The following VPS13D variants were observed in gnomAD, a reference collection of about 807,000 sequenced individuals.
The protein encoded by VPS13D is vacuolar protein sorting 13 homolog D.
In VPS13D, 187 loss-of-function variants were observed where a neutral mutation model predicts 461.9. That is an observed-to-expected ratio of 0.40 (90% CI 0.36 to 0.46). VPS13D has a LOEUF of 0.46. Among genes scored for constraint, VPS13D ranks in the 20% least tolerant of loss-of-function variants. The pLI, the probability that VPS13D is intolerant of heterozygous loss-of-function variation, is 0.60. For missense variants in VPS13D, 4,711 were observed against 5,364.9 expected, an observed-to-expected ratio of 0.88 and a Z score of 3.81; for synonymous variants, 1,951 against 1,986.3, an observed-to-expected ratio of 0.98 and a Z score of 0.47.
rs1418394633 is a variant in VPS13D, at chr1:12,267,858, G to A, written c.1739G>A (p.Gly580Asp). ...TTTGTTTAATAGCAAAAAGAAGTTG[G>A]CAGAGTCTCACAATCTTTTGGTCTA... ...LVFPNPQKEV[G>D]RVSQSFGLQT... The change falls in exon 15 of 70, where the codon GGC becomes GAC. Residue 580 changes from glycine to aspartate, a missense_variant. By Grantham distance (94) the Gly-to-Asp change is moderately conservative. Around this residue, in one of 3 missense-constraint regions of VPS13D, gnomAD observed 4,411 missense variants for 4,937.8 expected, o/e 0.89. Transcript: ENST00000620676. The A allele has an allele frequency of 6.2e-7, 1 of 1,613,992 alleles. No homozygotes were observed. Among genetic ancestry groups the A allele is most frequent in the African/African-American group, 1.3e-5 (1 of 74,900 alleles).
intron 14 of VPS13D, 92 bp downstream of exon 14, chr1:12,267,103 T>C (rs1192361755): frequency 2.2e-6 from 3 of 1,338,062 alleles, no homozygotes; most frequent in Non-Finnish European, 3.0e-6. Context: ...TTCTGACATT[T>C]GATCATCTTG....
At chr1:12,267,392 T>G (rs1280068054) in intron 14 of VPS13D, among the ~76,000 whole-genome samples, 6 of 152,112 alleles carry the variant, frequency 3.9e-5, no homozygotes, top group Non-Finnish European at 7.3e-5. Flanking sequence ...CATCTCAAGT[T>G]TTCTATATAT....
Position 12,456,147 on chromosome 1 carries a change from A to G in VPS13D, c.12466+17A>G, listed in dbSNP as rs1645323702. ...TGGCTCATGGTAAGTCATGGGTGAC[A>G]TCAGGCTCTGCTGCTGCTGGTCCTC... On this transcript the variant is annotated intron_variant, in intron 66 of 69. Transcript: ENST00000620676. 6.3e-7 allele frequency: 1 copy of G among 1,596,932 alleles called. No individual in the cohort carries two copies. Among genetic ancestry groups the G allele is most frequent in the African/African-American group, 1.4e-5 (1 of 73,922 alleles).
In VPS13D at chr1:12,230,126, G is replaced by A. The variant is rs1639909705; in HGVS notation, c.-77+6G>A. 1 of 151,966 alleles carries A rather than the reference G, an allele frequency of 6.6e-6. No homozygotes were observed. Among genetic ancestry groups the A allele is most frequent in the East Asian group, 1.9e-4 (1 of 5,160 alleles). The allele number at this position is 151,966 out of a possible 1,614,324, so 9.4% of individuals were successfully genotyped here. A position where few individuals can be genotyped will look rare whatever the true frequency, so the allele number is the denominator to read the frequency against. The stretch of plus-strand genomic sequence containing the variant: ...GCGGCCCGGGACACCGACAGGTAGG[G>A]GCCGAGCGGCTCCGTGCCGGGCGGG... On this transcript the variant is annotated splice_donor_region_variant and intron_variant, in intron 1 of 69. Coordinates refer to ENST00000620676, the MANE Select transcript of VPS13D (RefSeq NM_015378.4).
chr1:12,350,305 G>T (rs999439972), intron 46 of VPS13D, among the ~76,000 whole-genome samples: 22 of 152,024 alleles, frequency 1.4e-4, no homozygotes, highest in African/African-American at 4.8e-4. Flanking sequence ...AAATATTAAA[G>T]AACTAAAACC....
At chr1:12,234,614 C>G (rs954660900) in intron 2 of VPS13D, among the ~76,000 whole-genome samples, 3 of 152,120 alleles carry the variant, frequency 2.0e-5, no homozygotes, top group Admixed American at 6.6e-5. Context: ...GGTGACTGTG[C>G]TTAGTCCCAG....
intron 12 of VPS13D, 64 bp downstream of exon 12, chr1:12,261,213 G>T: frequency 6.3e-7 from 1 of 1,575,596 alleles, no homozygotes; most frequent in South Asian, 1.1e-5. Flanking sequence ...GCAACAGCTT[G>T]TGGTATTTTT....
intron 56 of VPS13D, 76 bp downstream of exon 56, chr1:12,378,667 T>TA (rs2101642096): frequency 7.3e-7 from 1 of 1,371,620 alleles, no homozygotes; most frequent in Admixed American, 2.8e-5. Flanking sequence ...CAACAAAAAC[T>TA]AAGAGTTCTA....
intron 60 of VPS13D, among the ~76,000 whole-genome samples, chr1:12,399,685 G>A (rs1057427009): frequency 2.7e-5 from 4 of 150,602 alleles, no homozygotes; most frequent in Non-Finnish European, 5.9e-5. Flanking sequence ...CGGGCATAGT[G>A]GTGCATGCCT....
At chr1:12,247,072 C>T (rs1048532102) in intron 5 of VPS13D, among the ~76,000 whole-genome samples, 2 of 152,132 alleles carry the variant, frequency 1.3e-5, no homozygotes, top group African/African-American at 4.8e-5. Flanking sequence ...AAAGAGGCTG[C>T]ACTATTTTAC....
At chr1:12,433,967 T>TG (rs1160879789) in intron 65 of VPS13D, among the ~76,000 whole-genome samples, 3 of 145,650 alleles carry the variant, frequency 2.1e-5, no homozygotes, top group Admixed American at 7.5e-5. Flanking sequence ...TGTGTGTGTG[T>TG]GTGGAGGAGG....
intron 1 of VPS13D, among the ~76,000 whole-genome samples, chr1:12,233,039 T>G (rs1229580684): frequency 6.6e-6 from 1 of 151,440 alleles, no homozygotes; most frequent in Non-Finnish European, 1.5e-5. Context: ...GGAGTCTCAC[T>G]CTGTCACCCA....
intron 46 of VPS13D, among the ~76,000 whole-genome samples, chr1:12,351,652 T>G (rs535445962): frequency 6.6e-6 from 1 of 151,118 alleles, no homozygotes; most frequent in East Asian, 2.0e-4. Context: ...AGTGCAATGG[T>G]GTGATCTTGG....
In VPS13D at chr1:12,379,502, T is replaced by G; in HGVS notation, c.11096T>G (p.Met3699Arg). Residue 3699 changes from methionine (M) to arginine (R), a missense_variant, in exon 57 of 70, where the codon ATG (methionine) becomes AGG (arginine). This residue lies in a region of VPS13D where 4,411 missense variants were observed against 4,937.8 expected (regional missense o/e 0.89). Transcript: ENST00000620676. ...AVTDNRYEPL[M>R]LRKPDRRRST... ...CCGTTTTCCAGATACGAGCCACTGATGCTGAGAAAGCCTGACCGCAGGCGA... is the reference window on the plus strand; with the variant it reads ...CCGTTTTCCAGATACGAGCCACTGAGGCTGAGAAAGCCTGACCGCAGGCGA... The G allele has an allele frequency of 6.2e-7, 1 of 1,612,984 alleles. No homozygotes were observed. Among genetic ancestry groups the G allele is most frequent in the South Asian group, 1.1e-5 (1 of 90,890 alleles).
chr1:12,492,626 G>C (rs1287048418), intron 67 of VPS13D, among the ~76,000 whole-genome samples: 1 of 152,160 alleles, frequency 6.6e-6, no homozygotes. Flanking sequence ...TTTATATCTT[G>C]TGAGCCAGCA....
intron 65 of VPS13D, among the ~76,000 whole-genome samples, chr1:12,423,431 T>A (rs1644887171): frequency 6.6e-6 from 1 of 152,202 alleles, no homozygotes; most frequent in South Asian, 2.1e-4. Context: ...CAAAAAGCCC[T>A]ACCTAGTCCC....
chr1:12,468,869 T>C (rs1453555718), intron 67 of VPS13D, among the ~76,000 whole-genome samples: 1 of 151,798 alleles, frequency 6.6e-6, no homozygotes, highest in Non-Finnish European at 1.5e-5. Flanking sequence ...CCTGTCTCTA[T>C]AAAAATATAC....
intron 40 of VPS13D, among the ~76,000 whole-genome samples, chr1:12,339,242 G>A (rs1643514372): frequency 6.6e-6 from 1 of 152,124 alleles, no homozygotes; most frequent in Non-Finnish European, 1.5e-5. Flanking sequence ...GCTTAGCCAA[G>A]CATTATTCCT....
chr1:12,248,780 A>G (rs1482755407), intron 5 of VPS13D, among the ~76,000 whole-genome samples: 2 of 152,208 alleles, frequency 1.3e-5, no homozygotes, highest in African/African-American at 2.4e-5. Context: ...GTGGGGACAT[A>G]GAGGCAAGAT....
Sources: allele counts gnomAD v4.1 joint callset (sites outside exome capture counted in the v4.1 genomes callset), GRCh38; gene constraint gnomAD v4.1.1; regional missense constraint gnomAD v4.1.1; transcripts MANE v1.5; gene names NCBI Gene and HGNC (gene_info 2026-07-23, HGNC 2026-07-21).